Variants in SLC14A2 observed in about 807,000 individuals in gnomAD.
The protein encoded by SLC14A2 is solute carrier family 14 member 2.
A neutral mutation model predicts 104.6 loss-of-function variants in SLC14A2; 91 were observed. The ratio of observed to expected loss-of-function variants is 0.87; its 90% CI spans 0.73 to 1.04. The LOEUF (loss-of-function observed/expected upper bound fraction) is 1.04, where lower values mean the gene tolerates loss of function less well. SLC14A2 is among the 50% of genes least tolerant of loss of function. SLC14A2 has a pLI of 0.00. For synonymous variants in SLC14A2, 476 were observed against 466.4 expected, an observed-to-expected ratio of 1.02 and a Z score of -0.27; for missense variants, 1,189 against 1,156.0, an observed-to-expected ratio of 1.03 and a Z score of -0.41.
intron 1 of SLC14A2, among the ~76,000 whole-genome samples, chr18:45,221,584 T>A (rs774266465): frequency 2.0e-4 from 30 of 152,050 alleles, no homozygotes; most frequent in Non-Finnish European, 4.1e-4. Context: ...GGAGGAGGTG[T>A]TCTCCCAGAG....
intron 1 of SLC14A2, among the ~76,000 whole-genome samples, chr18:45,278,345 A>T (rs761406552): frequency 1.3e-5 from 2 of 152,202 alleles, no homozygotes; most frequent in Non-Finnish European, 2.9e-5. Context: ...TGTGCATTTT[A>T]TGATGTTCAG....
chr18:45,197,152 C>T, the SLC14A2 span, among the ~76,000 whole-genome samples: 1 of 152,208 alleles, frequency 6.6e-6, no homozygotes, highest in Non-Finnish European at 1.5e-5. Context: ...GCCTATTGTG[C>T]ATTCCAACTA....
At chr18:45,669,280 A>G in intron 15 of SLC14A2, 26 bp from the exon 16 acceptor site, 2 of 1,595,198 alleles carry the variant, frequency 1.3e-6, no homozygotes, top group Non-Finnish European at 1.7e-6. Flanking sequence ...CTTCCTGACC[A>G]GCATCTCTCA....
At chr18:45,526,086 C>T (rs932373454) in intron 2 of SLC14A2, among the ~76,000 whole-genome samples, 1 of 152,148 alleles carries the variant, frequency 6.6e-6, no homozygotes, top group Non-Finnish European at 1.5e-5. Context: ...GAACGTTCCC[C>T]ACATAAGGGA....
intron 1 of SLC14A2, among the ~76,000 whole-genome samples, chr18:45,417,627 G>A (rs1034056811): frequency 6.6e-6 from 1 of 152,118 alleles, no homozygotes; most frequent in African/African-American, 2.4e-5. Context: ...CCTCCCACCA[G>A]GTCCCTTGCA....
At chr18:45,555,699 G>A (rs1209784469) in intron 2 of SLC14A2, among the ~76,000 whole-genome samples, 3 of 152,234 alleles carry the variant, frequency 2.0e-5, no homozygotes, top group Non-Finnish European at 4.4e-5. Flanking sequence ...CTGAGTGGAT[G>A]TATTTGAGGC....
chr18:45,617,093 T>C (rs1338387712), intron 1 of SLC14A2, among the ~76,000 whole-genome samples: 1 of 152,004 alleles, frequency 6.6e-6, no homozygotes, highest in Non-Finnish European at 1.5e-5. Flanking sequence ...GGAGACTCCA[T>C]CTAAAACAAA....
chr18:45,663,705 A>AT, intron 10 of SLC14A2, 80 bp from the exon 11 acceptor site: 1 of 1,516,640 alleles, frequency 6.6e-7, no homozygotes, highest in South Asian at 1.2e-5. Context: ...CATCTGTGTG[A>AT]TTTTTCCCAG....
At chr18:45,625,897 C>G (rs775720241) in intron 3 of SLC14A2, 34 bp downstream of exon 3, 1 of 1,380,728 alleles carries the variant, frequency 7.2e-7, no homozygotes, top group Non-Finnish European at 9.4e-7. Context: ...GCAGCCAGAC[C>G]AGGCCAGGCC....
intron 1 of SLC14A2, among the ~76,000 whole-genome samples, chr18:45,389,761 C>T (rs2085940249): frequency 6.6e-6 from 1 of 152,200 alleles, no homozygotes; most frequent in African/African-American, 2.4e-5. Context: ...TACCCTATTT[C>T]TCTCCTCTTG....
At chr18:45,481,082 T>A (rs1338006615) in intron 1 of SLC14A2, among the ~76,000 whole-genome samples, 1 of 152,090 alleles carries the variant, frequency 6.6e-6, no homozygotes, top group Non-Finnish European at 1.5e-5. Flanking sequence ...AAGTTTTGTG[T>A]GAGGCTTGAG....
At position 45,398,673 on chromosome 18, in the gene SLC14A2, A is replaced by G. The variant is rs1678328034; in HGVS notation, c.-124-84560A>G. Among the ~76,000 whole-genome samples the G allele has an allele frequency of 2.0e-5, 3 of 152,214 alleles. No homozygotes were observed. In the South Asian group the frequency reaches 6.2e-4, roughly 32 times the overall value. ...AACCTGGATTAACCTTGAGGACATTATGCTAAGTGAAATAAGCCAGTCAAC... is the reference window on the plus strand; with the variant it reads ...AACCTGGATTAACCTTGAGGACATTGTGCTAAGTGAAATAAGCCAGTCAAC... On this transcript the variant is annotated intron_variant, in intron 1 of 20. Transcript: ENST00000586448.
rs781525189 is a variant in SLC14A2 at position 45,639,856 on chromosome 18, G to A, written c.954G>A (p.Leu318=). ...ALFISSPLIC[L]HAAIGSIVGL... is the part of the protein sequence containing the mutation. ...TCATCTCCTCGCCACTCATCTGCTT[G>A]CATGCAGCCATTGGCTCAATCGTGG... is the stretch of plus-strand genomic sequence containing the variant. Residue 318 remains leucine (L), a synonymous_variant, in exon 7 of 20, where the codon TTG becomes TTA. Transcript: ENST00000255226. 1.9e-6 allele frequency: 3 copies of A among 1,613,812 alleles called. No homozygotes were observed. Among genetic ancestry groups the A allele is most frequent in the Non-Finnish European group, 2.5e-6 (3 of 1,179,998 alleles).
chr18:45,573,335 T>G (rs987702584), intron 2 of SLC14A2, among the ~76,000 whole-genome samples: 7 of 152,134 alleles, frequency 4.6e-5, no homozygotes, highest in South Asian at 4.2e-4. Flanking sequence ...AGAAGAGAGA[T>G]AGAAACAGGG....
chr18:45,461,939 G>GA (rs759684344), intron 1 of SLC14A2, among the ~76,000 whole-genome samples: 76 of 152,126 alleles, frequency 5.0e-4, no homozygotes, highest in Non-Finnish European at 1.0e-3. Context: ...GGTGGGAATT[G>GA]AAAAGGGAAG....
intron 1 of SLC14A2, among the ~76,000 whole-genome samples, chr18:45,321,782 T>G (rs1242701232): frequency 2.0e-5 from 3 of 152,158 alleles, no homozygotes; most frequent in Non-Finnish European, 4.4e-5. Flanking sequence ...TCATCCACTA[T>G]TTTTAGAGCT....
intron 1 of SLC14A2, among the ~76,000 whole-genome samples, chr18:45,446,402 C>T (rs2086770474): frequency 6.6e-6 from 1 of 152,170 alleles, no homozygotes; most frequent in Non-Finnish European, 1.5e-5. Flanking sequence ...TCTCTTTCCA[C>T]CACATAAGAA....
intron 2 of SLC14A2, among the ~76,000 whole-genome samples, chr18:45,532,596 G>A (rs1304533706): frequency 6.6e-6 from 1 of 150,978 alleles, no homozygotes; most frequent in Non-Finnish European, 1.5e-5. Context: ...GGAGATTTTG[G>A]GCTGAGACAG....
At chr18:45,424,477 A>G (rs759110970) in intron 1 of SLC14A2, among the ~76,000 whole-genome samples, 9 of 152,194 alleles carry the variant, frequency 5.9e-5, no homozygotes, top group Non-Finnish European at 1.2e-4. Context: ...AGGCAGGAAG[A>G]AAGGGGGTAG....
Sources: gnomAD v4.1 joint callset for allele counts (sites outside exome capture counted in the v4.1 genomes callset) on GRCh38, gnomAD v4.1.1 for gene constraint, MANE v1.5 for transcripts, NCBI Gene and HGNC (gene_info 2026-07-23, HGNC 2026-07-21) for gene names.